The following FHIT variants were observed in gnomAD, a reference collection of about 807,000 sequenced individuals.
FHIT encodes fragile histidine triad diadenosine triphosphatase.
FHIT carries 19 observed loss-of-function variants against 17.9 expected under a neutral mutation model. That is an observed-to-expected ratio of 1.06 (90% CI 0.74 to 1.56). The LOEUF (loss-of-function observed/expected upper bound fraction) is 1.56. Among genes scored for constraint, FHIT ranks in the 40% most tolerant of loss-of-function variants. FHIT has a pLI of 0.00. For synonymous variants in FHIT, 81 were observed against 69.7 expected (o/e 1.16, Z -0.81); for missense variants, 248 against 189.2 (o/e 1.31, Z -1.82).
intron 8 of FHIT, among the ~76,000 whole-genome samples, chr3:59,772,434 T>C (rs56348548): frequency 0.47 from 71,478 of 152,128 alleles, 17,035 homozygotes; most frequent in South Asian, 0.56. Flanking sequence ...GTGCAAACAC[T>C]GTTTTAAACA....
chr3:59,964,362 G>T (rs1224201451), intron 7 of FHIT, among the ~76,000 whole-genome samples: 1 of 152,042 alleles, frequency 6.6e-6, no homozygotes, highest in East Asian at 1.9e-4. Context: ...TGGGCTGCGT[G>T]GGCCAGTATC....
chr3:61,027,380 C>T (rs181866364), intron 3 of FHIT, among the ~76,000 whole-genome samples: 72 of 152,370 alleles, frequency 4.7e-4, no homozygotes, highest in African/African-American at 1.7e-3. Flanking sequence ...TGCCAGCGCA[C>T]CCGGCCCTTA....
At chr3:61,100,377 A>G (rs1468878243) in intron 2 of FHIT, among the ~76,000 whole-genome samples, 1 of 152,172 alleles carries the variant, frequency 6.6e-6, no homozygotes, top group East Asian at 1.9e-4. Flanking sequence ...ATGTCCCTAC[A>G]AAGGACATGA....
intron 5 of FHIT, among the ~76,000 whole-genome samples, chr3:60,310,238 G>A: frequency 6.6e-6 from 1 of 152,154 alleles, no homozygotes; most frequent in Non-Finnish European, 1.5e-5. Flanking sequence ...CCACCAGTAT[G>A]TCCAAACATC....
intron 5 of FHIT, among the ~76,000 whole-genome samples, chr3:60,514,832 G>A (rs551745011): frequency 2.6e-5 from 4 of 152,026 alleles, no homozygotes; most frequent in East Asian, 1.9e-4. Flanking sequence ...CGTTCCTACA[G>A]ACACATGAAA....
chr3:60,561,511 G>T (rs1212706956), intron 4 of FHIT, among the ~76,000 whole-genome samples: 3 of 152,044 alleles, frequency 2.0e-5, no homozygotes. Context: ...CTCAATCAAG[G>T]ATGTCAAAAT....
At chr3:60,126,857 T>C (rs1705574483) in intron 5 of FHIT, among the ~76,000 whole-genome samples, 1 of 152,186 alleles carries the variant, frequency 6.6e-6, no homozygotes, top group Non-Finnish European at 1.5e-5. Context: ...TGCCCTCTTA[T>C]CATATCTACT....
intron 7 of FHIT, among the ~76,000 whole-genome samples, chr3:60,003,910 A>T (rs536982246): frequency 6.7e-6 from 1 of 149,014 alleles, no homozygotes; most frequent in Admixed American, 6.7e-5. Flanking sequence ...AAGTATTTGG[A>T]TATCACAGGT....
At chr3:60,387,023 C>CTTTTTTTTTTTTTTTTT (rs71627536) in intron 5 of FHIT, among the ~76,000 whole-genome samples, 26 of 136,380 alleles carry the variant, frequency 1.9e-4, no homozygotes, top group Non-Finnish European at 2.5e-4. Context: ...TCTATTTATT[C>CTTTTTTTTTTTTTTTTT]TTTTTTTTTT....
At chr3:60,114,051 ATATATATATATATATATATAT>A (rs1704827283) in intron 5 of FHIT, among the ~76,000 whole-genome samples, 3 of 79,782 alleles carry the variant, frequency 3.8e-5, no homozygotes, top group African/African-American at 1.0e-4. Context: ...ATATATATAT[ATATATATATATATATATATAT>A]AATGTTATAT....
chr3:61,103,929 C>T (rs2035914707), intron 2 of FHIT, among the ~76,000 whole-genome samples: 1 of 150,980 alleles, frequency 6.6e-6, no homozygotes, highest in Non-Finnish European at 1.5e-5. Flanking sequence ...GTAGATCTTC[C>T]TCCATCCCTT....
chr3:60,684,439 G>A (rs988333382), intron 4 of FHIT, among the ~76,000 whole-genome samples: 1 of 151,972 alleles, frequency 6.6e-6, no homozygotes, highest in Non-Finnish European at 1.5e-5. Context: ...AGCAGAATAC[G>A]GTGTCAAGTC....
chr3:60,179,566 T>TC (rs1701832130), intron 5 of FHIT, among the ~76,000 whole-genome samples: 1 of 151,412 alleles, frequency 6.6e-6, no homozygotes, highest in Admixed American at 6.6e-5. Flanking sequence ...GGATGTGCCA[T>TC]TTTTTTTTAA....
chr3:60,948,833 C>G (rs1254985441), intron 3 of FHIT, among the ~76,000 whole-genome samples: 17 of 152,110 alleles, frequency 1.1e-4, no homozygotes, highest in African/African-American at 3.9e-4. Context: ...GAGCTGCAAC[C>G]TGAAAACCAC....
chr3:60,364,970 T>C (rs1270193917), intron 5 of FHIT, among the ~76,000 whole-genome samples: 9 of 151,992 alleles, frequency 5.9e-5, no homozygotes, highest in African/African-American at 2.2e-4. Context: ...TTTCAGAGAA[T>C]AGATCATGAG....
chr3:60,208,373 C>G (rs973492798), intron 5 of FHIT, among the ~76,000 whole-genome samples: 5 of 143,956 alleles, frequency 3.5e-5, no homozygotes, highest in Non-Finnish European at 1.6e-5. Context: ...GAAATCACCT[C>G]CCCCCAAATT....
intron 4 of FHIT, among the ~76,000 whole-genome samples, chr3:60,650,605 A>G (rs1455419231): frequency 2.0e-5 from 3 of 152,246 alleles, no homozygotes; most frequent in Admixed American, 6.5e-5. Context: ...AACATAATGT[A>G]CTAGTTAGCT....
At chr3:59,957,251 TAAG>T (rs1707450187) in intron 7 of FHIT, among the ~76,000 whole-genome samples, 2 of 152,190 alleles carry the variant, frequency 1.3e-5, no homozygotes. Context: ...GGTGTATGTA[TAAG>T]AAGAGAGGGA....
chr3:60,781,073 C>A (rs1021424673), intron 4 of FHIT, among the ~76,000 whole-genome samples: 18 of 152,176 alleles, frequency 1.2e-4, no homozygotes, highest in African/African-American at 3.9e-4. Flanking sequence ...AAAAGTCCTG[C>A]AACACCTCCA....
Sources: allele counts gnomAD v4.1 joint callset (sites outside exome capture counted in the v4.1 genomes callset), GRCh38; gene constraint gnomAD v4.1.1; transcripts MANE v1.5; gene names NCBI Gene and HGNC (gene_info 2026-07-23, HGNC 2026-07-21).